Variants in ZFP14 observed in about 807,000 individuals in gnomAD.
ZFP14 encodes the protein ZFP14 zinc finger protein.
Under a neutral mutation model 54.5 loss-of-function variants are expected in ZFP14, and 22 were observed. That is an observed-to-expected ratio of 0.40 (90% confidence interval 0.29 to 0.58). The LOEUF is 0.58. Among genes scored for constraint, ZFP14 ranks in the 20% least tolerant of loss-of-function variants. ZFP14 has a pLI of 0.39. For missense variants in ZFP14, 470 were observed against 637.8 expected (o/e 0.74, Z 2.83); for synonymous variants, 159 against 204.0 (o/e 0.78, Z 1.88).
chr19:36,363,744 C>A lies in ZFP14; in HGVS notation c.10-1506G>T, dbSNP rs1372653270. ...GTGGCTCAAGCCTGTAATCCCAGCA[C>A]TTTGGGAGGCCAAGGCAGGCAGATC... On this transcript the variant is annotated intron_variant, in intron 2 of 4. Transcript: ENST00000270001. Among the ~76,000 whole-genome samples the A allele has an allele frequency of 2.0e-5, 3 of 151,964 alleles. No individual in the cohort carries two copies. In the East Asian group the frequency reaches 5.9e-4, roughly 30 times the overall value.
chr19:36,339,382 C>G lies in ZFP14; in HGVS notation c.*842G>C, dbSNP rs1292551936. On this transcript the variant is annotated 3_prime_UTR_variant, in exon 5 of 5. Transcript: ENST00000270001. ...AACAGGCCCCCCAGTGGTCCTGTCT[C>G]CAGGACTTATTCACACTCTTGTATC... 2 of 152,154 alleles carry G rather than the reference C, an allele frequency of 1.3e-5. No homozygotes were observed. Among genetic ancestry groups the G allele is most frequent in the Non-Finnish European group, 2.9e-5 (2 of 68,028 alleles). 9.4% of individuals were successfully genotyped at this position (152,154 alleles called of 1,614,324 possible). A position where few individuals can be genotyped will look rare whatever the true frequency, so the allele number is the denominator to read the frequency against.
intron 4 of ZFP14, among the ~76,000 whole-genome samples, chr19:36,345,578 G>A (rs1049022051): frequency 6.6e-6 from 1 of 152,128 alleles, no homozygotes; most frequent in Non-Finnish European, 1.5e-5. Flanking sequence ...CAAAGACATG[G>A]GTTGAGATGG....
intron 2 of ZFP14, 82 bp downstream of exon 2, chr19:36,367,802 A>C (rs1302905942): frequency 1.3e-6 from 2 of 1,494,528 alleles, no homozygotes; most frequent in Non-Finnish European, 1.8e-6. Flanking sequence ...GTAAGCAGGA[A>C]GTTTCAGAAT....
rs554305086 is a variant in ZFP14, at chr19:36,356,009, A to AT, written c.235+4425dup. On this transcript the variant is annotated intron_variant, in intron 4 of 4. Transcript: ENST00000270001. ...CATTCCCCTCAACAGCATCCTTAAA[A>AT]TTTTTTTTATTTTAAAATAATTATA... Among the ~76,000 whole-genome samples, 7 of 142,772 alleles carry AT rather than the reference A, an allele frequency of 4.9e-5. No homozygotes were observed. In the East Asian group the frequency reaches 6.2e-4, roughly 13 times the overall value. The allele number at this position is 142,772 out of a possible 152,430, so 93.7% of individuals were successfully genotyped here. A position where few individuals can be genotyped will look rare whatever the true frequency, so the allele number is the denominator to read the frequency against.
rs1036227060 is a variant in ZFP14 at position 36,355,019 on chromosome 19, T to C, written c.235+5416A>G. Among the ~76,000 whole-genome samples the C allele has an allele frequency of 2.1e-5, 3 of 143,050 alleles. 1 individual carries two copies. The Admixed American group carries it at 2.2e-4, about 10-fold the overall frequency. The allele number at this position is 143,050 out of a possible 152,430, so 93.8% of individuals were successfully genotyped here. A position where few individuals can be genotyped will look rare whatever the true frequency, so the allele number is the denominator to read the frequency against. On this transcript the variant is annotated intron_variant, in intron 4 of 4. Coordinates refer to ENST00000270001, the MANE Select transcript of ZFP14 (RefSeq NM_020917.3). Reference sequence around the variant, plus strand: ...GTCCCTACCTAATATTATGTATTGATGTACTTGTTTACTTCATGTCCTTAC... The same window carrying C: ...GTCCCTACCTAATATTATGTATTGACGTACTTGTTTACTTCATGTCCTTAC...
At position 36,353,570 on chromosome 19, in the gene ZFP14, G is replaced by A. The variant is rs191115188; in HGVS notation, c.235+6865C>T. Among the ~76,000 whole-genome samples, 225 of 139,728 alleles carry A rather than the reference G, an allele frequency of 1.6e-3. 23 individuals carry two copies. The highest frequency in any genetic ancestry group is 5.8e-3 in the African/African-American group (220 of 37,998). 91.7% of individuals were successfully genotyped at this position (139,728 alleles called of 152,430 possible). ...AAAAATTAGCTGAGCGTGGTAGCGT[G>A]TGCCTGTAATCCCAGCTACTCGGGA... On this transcript the variant is annotated intron_variant, in intron 4 of 4. Coordinates refer to ENST00000270001, the MANE Select transcript of ZFP14 (RefSeq NM_020917.3).
At chr19:36,346,395 G>A (rs1400946598) in intron 4 of ZFP14, among the ~76,000 whole-genome samples, 1 of 151,474 alleles carries the variant, frequency 6.6e-6, no homozygotes, top group Non-Finnish European at 1.5e-5. Flanking sequence ...AAGAGAAAAA[G>A]GAAAGCATTC....
rs981352858 is a variant in ZFP14, at chr19:36,334,745, T to A, written c.*5479A>T. 1 of 152,240 alleles carries A rather than the reference T, an allele frequency of 6.6e-6. No homozygotes were observed. Among genetic ancestry groups the A allele is most frequent in the Non-Finnish European group, 1.5e-5 (1 of 68,038 alleles). 9.4% of individuals were successfully genotyped at this position (152,240 alleles called of 1,614,324 possible). On this transcript the variant is annotated 3_prime_UTR_variant, in exon 5 of 5. Coordinates refer to ENST00000270001, the MANE Select transcript of ZFP14 (RefSeq NM_020917.3). The stretch of plus-strand genomic sequence containing the variant: ...TGGTTATGGTAGCATCTAACAAAGC[T>A]GTTCCTATTCCAGATATTCGGACTG...
chr19:36,363,646 C>T (rs1378000226), intron 2 of ZFP14, among the ~76,000 whole-genome samples: 1 of 152,048 alleles, frequency 6.6e-6, no homozygotes, highest in Non-Finnish European at 1.5e-5. Flanking sequence ...TGTTAGACAT[C>T]CTACAATGCA....
chr19:36,364,524 C>A (rs7255251), intron 2 of ZFP14, among the ~76,000 whole-genome samples: 7,867 of 152,066 alleles, frequency 0.052, 243 homozygotes, highest in Non-Finnish European at 0.066. Context: ...AAGCCTTTCC[C>A]GCTGGGTGTG....
intron 4 of ZFP14, among the ~76,000 whole-genome samples, chr19:36,345,283 T>C (rs2031394244): frequency 6.6e-6 from 1 of 152,124 alleles, no homozygotes. Context: ...AAAACTTTTG[T>C]TCCTTCATAT....
intron 4 of ZFP14, among the ~76,000 whole-genome samples, chr19:36,350,133 C>CA (rs1751896079): frequency 7.6e-6 from 1 of 131,318 alleles, no homozygotes; most frequent in African/African-American, 2.8e-5. Context: ...AAAAACAAAA[C>CA]AAACAAAAAA....
chr19:36,355,806 C>A (rs1425704151), intron 4 of ZFP14, among the ~76,000 whole-genome samples: 2 of 142,722 alleles, frequency 1.4e-5, no homozygotes, highest in Non-Finnish European at 3.1e-5. Context: ...GAACCTGGCA[C>A]CCTGATTTTG....
rs534882900 is a variant in ZFP14, at chr19:36,358,925, G to A, written c.235+1510C>T. On this transcript the variant is annotated intron_variant, in intron 4 of 4. Coordinates refer to ENST00000270001, the MANE Select transcript of ZFP14 (RefSeq NM_020917.3). ...GGGTTATCACAGGATTGGGACTGAT[G>A]ACTTTATAAGAAGAAGAGAGGCCTC... 2.6e-5 allele frequency among the ~76,000 whole-genome samples: 4 copies of A among 152,254 alleles called. No homozygotes were observed. The South Asian group carries it at 8.3e-4, about 32-fold the overall frequency.
chr19:36,343,558 T>C (rs1475792626), intron 4 of ZFP14, among the ~76,000 whole-genome samples: 1 of 152,248 alleles, frequency 6.6e-6, no homozygotes, highest in Admixed American at 6.5e-5. Flanking sequence ...CTATGCACTT[T>C]ACGCTTGTCT....
At chr19:36,368,024 A>C in intron 1 of ZFP14, 53 bp from the exon 2 acceptor site, 2 of 1,032,108 alleles carry the variant, frequency 1.9e-6, no homozygotes, top group Non-Finnish European at 2.8e-6. Context: ...AGCTCCCAAA[A>C]TGATGTACAT....
At chr19:36,346,463 CT>C (rs1000900335) in intron 4 of ZFP14, among the ~76,000 whole-genome samples, 3,915 of 147,594 alleles carry the variant, frequency 0.027, 147 homozygotes, top group African/African-American at 0.091. Flanking sequence ...AGAGCTCTCA[CT>C]TTTTTTTTTT....
In ZFP14 at chr19:36,352,183, C is replaced by CA. The variant is rs541317625; in HGVS notation, c.235+8251dup. On this transcript the variant is annotated intron_variant, in intron 4 of 4. Coordinates refer to ENST00000270001, the MANE Select transcript of ZFP14 (RefSeq NM_020917.3). ...TGGGCAACGGAGCCAGACTCTGTCT[C>CA]AAAAAAAAAAAAATTCTATTAAGAT... Among the ~76,000 whole-genome samples the CA allele has an allele frequency of 1.1e-3, 130 of 116,722 alleles. 8 individuals are homozygous for CA. Among genetic ancestry groups the CA allele is most frequent in the East Asian group, 3.7e-3 (15 of 4,056 alleles). The allele number at this position is 116,722 out of a possible 152,430, so 76.6% of individuals were successfully genotyped here.
At position 36,360,478 on chromosome 19, in the gene ZFP14, T is replaced by C. The variant is rs762360621; in HGVS notation, c.192A>G (p.Glu64=). ...TCCCTTCCCTCACAACCATCCCAGG[T>C]TCCTTCCTTTCTTCATCCAATAAGG... is the stretch of plus-strand genomic sequence containing the variant. ...VITLLDEERK[E]PGMVVREGTR... The change falls in exon 4 of 5, where the codon GAA becomes GAG. Residue 64 remains glutamate, a synonymous_variant. Transcript: ENST00000270001. 6.2e-7 allele frequency: 1 copy of C among 1,613,816 alleles called. No individual in the cohort carries two copies. Among genetic ancestry groups the C allele is most frequent in the South Asian group, 1.1e-5 (1 of 90,982 alleles).
Sources: allele counts gnomAD v4.1 joint callset (sites outside exome capture counted in the v4.1 genomes callset), GRCh38; gene constraint gnomAD v4.1.1; transcripts MANE v1.5; gene names NCBI Gene and HGNC (gene_info 2026-07-23, HGNC 2026-07-21).